Variants in ATPSCKMT observed in about 807,000 individuals in gnomAD.
ATPSCKMT encodes the protein ATP synthase subunit C lysine N-methyltransferase.
A neutral mutation model predicts 24.3 loss-of-function variants in ATPSCKMT; 24 were observed. The observed-to-expected ratio is 0.99, with a 90% CI of 0.71 to 1.39. The LOEUF is 1.39. Ranked by LOEUF, ATPSCKMT falls within the 40% of genes most tolerant of loss-of-function variation. The probability of loss-of-function intolerance (pLI) is 0.00; values close to 1 mark genes in which losing one functional copy is unlikely to be tolerated. For synonymous variants in ATPSCKMT, 95 were observed against 110.5 expected, an observed-to-expected ratio of 0.86 and a Z score of 0.88; for missense variants, 311 against 298.4, an observed-to-expected ratio of 1.04 and a Z score of -0.31.
At chr5:10,249,826 C>T (rs1358706627) in intron 1 of ATPSCKMT, 32 bp downstream of exon 1, 1 of 1,563,412 alleles carries the variant, frequency 6.4e-7, no homozygotes, top group African/African-American at 1.4e-5. Context: ...TTCTCATGCC[C>T]CCAGGAACCC....
chr5:10,228,060 G>A (rs537155983), intron 4 of ATPSCKMT, among the ~76,000 whole-genome samples: 1 of 152,252 alleles, frequency 6.6e-6, no homozygotes, highest in South Asian at 2.1e-4. Flanking sequence ...GCCCAGGCTG[G>A]TCTCAAACTC....
At chr5:10,235,899 A>G (rs1459698500) in intron 3 of ATPSCKMT, among the ~76,000 whole-genome samples, 2 of 152,210 alleles carry the variant, frequency 1.3e-5, no homozygotes, top group East Asian at 1.9e-4. Context: ...ACTCAAGTGA[A>G]TTTTTGTAAG....
At chr5:10,248,985 G>T (rs989265750) in intron 1 of ATPSCKMT, among the ~76,000 whole-genome samples, 4 of 152,210 alleles carry the variant, frequency 2.6e-5, no homozygotes, top group African/African-American at 4.8e-5. Flanking sequence ...GCTTAAGAGT[G>T]AGACCTGCCG....
chr5:10,240,592 T>C lies in ATPSCKMT; in HGVS notation c.17-1236A>G, dbSNP rs149719923. 8.5e-5 allele frequency among the ~76,000 whole-genome samples: 13 copies of C among 152,148 alleles called. No individual in the cohort carries two copies. In the East Asian group the frequency reaches 2.3e-3, roughly 27 times the overall value. On this transcript the variant is annotated intron_variant, in intron 1 of 4. Coordinates refer to ENST00000511437, the MANE Select transcript of ATPSCKMT (RefSeq NM_199133.4). ...CAAAGTGGGGGTCACAGGGATATTG[T>C]GAGGATGAAATGAGTGTATGGAGGT...
At chr5:10,235,666 C>G (rs1207825524) in intron 3 of ATPSCKMT, among the ~76,000 whole-genome samples, 1 of 152,222 alleles carries the variant, frequency 6.6e-6, no homozygotes, top group Non-Finnish European at 1.5e-5. Flanking sequence ...CAGGAGACTT[C>G]AGAACCATCT....
intron 1 of ATPSCKMT, among the ~76,000 whole-genome samples, chr5:10,240,234 A>AG (rs1191151536): frequency 1.4e-5 from 2 of 144,678 alleles, no homozygotes; most frequent in Admixed American, 6.9e-5. Flanking sequence ...ACTCTGTCTC[A>AG]AAAAAAAAAA....
chr5:10,229,583 C>A (rs1171568563), intron 4 of ATPSCKMT, among the ~76,000 whole-genome samples: 1 of 152,016 alleles, frequency 6.6e-6, no homozygotes, highest in Non-Finnish European at 1.5e-5. Context: ...TCCTGTTACT[C>A]ATCAGAGAGT....
At position 10,227,188 on chromosome 5, in the gene ATPSCKMT, T is replaced by C. The variant is rs1018192335; in HGVS notation, c.*253A>G. On this transcript the variant is annotated 3_prime_UTR_variant, in exon 5 of 5. Coordinates refer to ENST00000511437, the MANE Select transcript of ATPSCKMT (RefSeq NM_199133.4). The stretch of plus-strand genomic sequence containing the variant: ...ATTTTCCTACCCATAACCATGACCA[T>C]CACTTATTCATCTTTTCATGCATCC... 1 of 485,320 alleles carries C rather than the reference T, an allele frequency of 2.1e-6. No homozygotes were observed. Among genetic ancestry groups the C allele is most frequent in the African/African-American group, 1.9e-5 (1 of 51,362 alleles). The allele number at this position is 485,320 out of a possible 1,614,324, so 30.1% of individuals were successfully genotyped here. A position where few individuals can be genotyped will look rare whatever the true frequency, so the allele number is the denominator to read the frequency against.
intron 1 of ATPSCKMT, among the ~76,000 whole-genome samples, chr5:10,240,208 G>A (rs550608142): frequency 2.5e-4 from 38 of 150,898 alleles, no homozygotes; most frequent in African/African-American, 7.8e-4. Flanking sequence ...CACTCCAGCC[G>A]GGGTGACAGA....
chr5:10,232,404 A>C (rs1489726912), intron 4 of ATPSCKMT, among the ~76,000 whole-genome samples: 3 of 152,212 alleles, frequency 2.0e-5, no homozygotes, highest in Admixed American at 2.0e-4. Context: ...TAGAAGAAGA[A>C]AGGCCTGGTC....
chr5:10,244,802 G>GA (rs1311611233), intron 1 of ATPSCKMT, among the ~76,000 whole-genome samples: 1 of 151,660 alleles, frequency 6.6e-6, no homozygotes, highest in Non-Finnish European at 1.5e-5. Flanking sequence ...CAGCTTTTTG[G>GA]GAGGCTGAAG....
intron 1 of ATPSCKMT, among the ~76,000 whole-genome samples, chr5:10,242,176 C>T (rs1338296624): frequency 1.3e-5 from 2 of 152,122 alleles, no homozygotes; most frequent in Non-Finnish European, 2.9e-5. Flanking sequence ...ATAGACTCTT[C>T]CCTTCATGAA....
At chr5:10,240,912 C>A (rs1185292923) in intron 1 of ATPSCKMT, among the ~76,000 whole-genome samples, 1 of 151,070 alleles carries the variant, frequency 6.6e-6, no homozygotes, top group Non-Finnish European at 1.5e-5. Context: ...AGGAGAATCG[C>A]TTGAACCCGG....
intron 3 of ATPSCKMT, chr5:10,236,198 G>A: frequency 7.1e-6 from 2 of 283,180 alleles, no homozygotes; most frequent in African/African-American, 2.2e-5. Flanking sequence ...CAAATGAGAT[G>A]AAAAATCTCA....
chr5:10,229,617 C>T (rs1040922155), intron 4 of ATPSCKMT, among the ~76,000 whole-genome samples: 9 of 152,312 alleles, frequency 5.9e-5, no homozygotes, highest in Non-Finnish European at 8.8e-5. Context: ...ATAGCACTCA[C>T]GGATGATTCT....
chr5:10,246,555 T>TC (rs1744939002), intron 1 of ATPSCKMT, among the ~76,000 whole-genome samples: 1 of 152,244 alleles, frequency 6.6e-6, no homozygotes, highest in African/African-American at 2.4e-5. Flanking sequence ...TAGCATGTCT[T>TC]CAAGATTCAT....
At position 10,236,598 on chromosome 5, in the gene ATPSCKMT, C is replaced by A. The variant is rs1744383438; in HGVS notation, c.324G>T (p.Lys108Asn). ...CATAACCAACTGCTGTGAACCCTTTCTTCGCAGCCGCTATGACCTGTGGAG... is the reference window on the plus strand; with the variant it reads ...CATAACCAACTGCTGTGAACCCTTTATTCGCAGCCGCTATGACCTGTGGAG... ...GDGRIVIAAA[K>N]KGFTAVGYEL... is the part of the protein sequence containing the mutation. The change falls in exon 3 of 5, where the codon AAG (lysine) becomes AAT (asparagine). Residue 108 changes from lysine (K) to asparagine (N), a missense_variant. Physicochemically the swap from Lys to Asn is moderately conservative, Grantham distance 94 (BLOSUM62 0). Transcript: ENST00000511437. The A allele has an allele frequency of 3.7e-6, 6 of 1,614,154 alleles. No homozygotes were observed. In the African/African-American group the frequency reaches 6.7e-5, roughly 18 times the overall value.
chr5:10,227,229 C>T lies in ATPSCKMT; in HGVS notation c.*212G>A. 1.8e-6 allele frequency: 1 copy of T among 563,168 alleles called. No individual in the cohort carries two copies. Among genetic ancestry groups the T allele is most frequent in the Non-Finnish European group, 3.1e-6 (1 of 319,296 alleles). The allele number at this position is 563,168 out of a possible 1,614,324, so 34.9% of individuals were successfully genotyped here. A position where few individuals can be genotyped will look rare whatever the true frequency, so the allele number is the denominator to read the frequency against. ...TCATGCATCCAGGTGCATGGAAAGG[C>T]AGTAAGTACAATTTTTAAGAAAATA... On this transcript the variant is annotated 3_prime_UTR_variant, in exon 5 of 5. Coordinates refer to ENST00000511437, the MANE Select transcript of ATPSCKMT (RefSeq NM_199133.4).
chr5:10,237,116 G>A, intron 2 of ATPSCKMT: 1 of 950,840 alleles, frequency 1.1e-6, no homozygotes, highest in South Asian at 1.4e-5. Context: ...CTGAAAACAG[G>A]TAAAAGTAAA....
Sources: allele counts gnomAD v4.1 joint callset (sites outside exome capture counted in the v4.1 genomes callset), GRCh38; gene constraint gnomAD v4.1.1; transcripts MANE v1.5; gene names NCBI Gene and HGNC (gene_info 2026-07-23, HGNC 2026-07-21).